The following ARSB variants were observed in gnomAD, a reference collection of about 807,000 sequenced individuals.
ARSB encodes N-acetylgalactosamine-4-sulfatase.
ARSB carries 41 observed loss-of-function variants against 50.9 expected under a neutral mutation model. That is an observed-to-expected ratio of 0.81 (90% confidence interval 0.63 to 1.04). The LOEUF (loss-of-function observed/expected upper bound fraction) is 1.04. Among genes scored for constraint, ARSB ranks in the 50% least tolerant of loss-of-function variants. ARSB has a pLI of 0.00. For synonymous variants in ARSB, 269 were observed against 284.8 expected, an observed-to-expected ratio of 0.94 and a Z score of 0.56; for missense variants, 672 against 693.3, an observed-to-expected ratio of 0.97 and a Z score of 0.35.
intron 5 of ARSB, among the ~76,000 whole-genome samples, chr5:78,847,301 A>AT (rs1745487699): frequency 6.6e-6 from 1 of 151,730 alleles, no homozygotes; most frequent in African/African-American, 2.4e-5. Flanking sequence ...TAATTTTTAA[A>AT]TTTTTTGCAG....
intron 4 of ARSB, among the ~76,000 whole-genome samples, chr5:78,946,663 A>G (rs560679912): frequency 6.6e-6 from 1 of 152,192 alleles, no homozygotes; most frequent in Non-Finnish European, 1.5e-5. Context: ...TTTCATGTTC[A>G]TGATTGGAAC....
chr5:78,950,942 G>A (rs1016232627), intron 4 of ARSB, among the ~76,000 whole-genome samples: 6 of 152,298 alleles, frequency 3.9e-5, no homozygotes, highest in Non-Finnish European at 5.9e-5. Flanking sequence ...GAACACAAGC[G>A]TAGAAATGCA....
At chr5:78,973,062 A>G (rs1398292654) in intron 1 of ARSB, among the ~76,000 whole-genome samples, 7 of 152,248 alleles carry the variant, frequency 4.6e-5, no homozygotes, top group Non-Finnish European at 1.5e-5. Flanking sequence ...CAAATGCCGA[A>G]CTGGTTCCAA....
rs528847475 is a variant in ARSB, at chr5:78,780,367, A to G, written c.*30T>C. Reference sequence around the variant, plus strand: ...GAAAAGGCCTGAGGTCCAACTTCCAATTGAAAGGTTTTCTAGCCTCCCTGA... The same window carrying G: ...GAAAAGGCCTGAGGTCCAACTTCCAGTTGAAAGGTTTTCTAGCCTCCCTGA... On this transcript the variant is annotated 3_prime_UTR_variant, in exon 8 of 8. Transcript: ENST00000264914. 1.2e-6 allele frequency: 2 copies of G among 1,613,122 alleles called. No homozygotes were observed. Among genetic ancestry groups the G allele is most frequent in the South Asian group, 1.1e-5 (1 of 91,028 alleles).
At chr5:78,876,428 A>T (rs1409995209) in intron 5 of ARSB, among the ~76,000 whole-genome samples, 1 of 152,250 alleles carries the variant, frequency 6.6e-6, no homozygotes. Flanking sequence ...CCCAAAGAAA[A>T]ATGGACAGAA....
intron 4 of ARSB, among the ~76,000 whole-genome samples, chr5:78,926,533 T>C (rs2112371021): frequency 6.6e-6 from 1 of 152,292 alleles, no homozygotes; most frequent in Non-Finnish European, 1.5e-5. Context: ...GCAATACCCT[T>C]ATTTCAAAGA....
chr5:78,795,727 A>T (rs933152218), intron 6 of ARSB, among the ~76,000 whole-genome samples: 1 of 152,214 alleles, frequency 6.6e-6, no homozygotes, highest in Non-Finnish European at 1.5e-5. Context: ...AATATTGCAG[A>T]TGTTATTTAT....
At position 78,920,316 on chromosome 5, in the gene ARSB, G is replaced by C. The variant is rs371383035; in HGVS notation, c.899-34489C>G. ...CCCAGCACTTTGGGAGGCCAAGGTGGGAGGATCGCTTGAACCCAGGAGTTT... is the reference window on the plus strand; with the variant it reads ...CCCAGCACTTTGGGAGGCCAAGGTGCGAGGATCGCTTGAACCCAGGAGTTT... On this transcript the variant is annotated intron_variant, in intron 4 of 7. Transcript: ENST00000264914. Among the ~76,000 whole-genome samples, 106 of 152,246 alleles carry C rather than the reference G, an allele frequency of 7.0e-4. 2 individuals carry two copies. Among genetic ancestry groups the C allele is most frequent in the African/African-American group, 2.5e-3 (103 of 41,554 alleles).
chr5:78,962,761 C>T (rs940696358), intron 3 of ARSB, among the ~76,000 whole-genome samples: 1 of 152,038 alleles, frequency 6.6e-6, no homozygotes, highest in Non-Finnish European at 1.5e-5. Context: ...AGTTGTATAA[C>T]ATTTGATAGT....
At chr5:78,862,296 C>T (rs192062501) in intron 5 of ARSB, among the ~76,000 whole-genome samples, 47 of 152,192 alleles carry the variant, frequency 3.1e-4, no homozygotes, top group South Asian at 8.3e-4. Flanking sequence ...AAAAAAAGCC[C>T]GCGTTGCCAA....
rs61216659 is a variant in ARSB, at chr5:78,968,861, C to G, written c.499+145G>C. On this transcript the variant is annotated intron_variant, in intron 2 of 7. Coordinates refer to ENST00000264914, the MANE Select transcript of ARSB (RefSeq NM_000046.5). ...CACAGAGCCCTGTTTACAGAGGTAA[C>G]ATTAGAAAGCAGCCCCATTACAGTG... is the stretch of plus-strand genomic sequence containing the variant. 0.22 allele frequency: 198,807 copies of G among 922,658 alleles called. 25,009 individuals carry two copies. The highest frequency in any genetic ancestry group is 0.48 in the African/African-American group (29,183 of 61,380). The allele number at this position is 922,658 out of a possible 1,614,324, so 57.2% of individuals were successfully genotyped here.
chr5:78,866,208 T>C (rs1023778935), intron 5 of ARSB, among the ~76,000 whole-genome samples: 1 of 152,184 alleles, frequency 6.6e-6, no homozygotes, highest in Non-Finnish European at 1.5e-5. Context: ...ACAGTTTCAC[T>C]TGGCTGGGGA....
intron 5 of ARSB, chr5:78,882,749 AG>A (rs1338487020): frequency 6.8e-6 from 1 of 146,172 alleles, no homozygotes; most frequent in Non-Finnish European, 1.5e-5. Context: ...TGTTTATAGT[AG>A]TTGTTTCTAG....
intron 4 of ARSB, among the ~76,000 whole-genome samples, chr5:78,913,121 C>CTTTT (rs11440743): frequency 9.9e-4 from 139 of 139,800 alleles, no homozygotes; most frequent in Non-Finnish European, 1.4e-3. Flanking sequence ...TTTTAATTCG[C>CTTTT]TTTTTTTTTT....
intron 4 of ARSB, among the ~76,000 whole-genome samples, chr5:78,924,733 C>T (rs1383068087): frequency 1.3e-5 from 2 of 152,156 alleles, no homozygotes; most frequent in Non-Finnish European, 2.9e-5. Context: ...CTACGATGAG[C>T]AATATATGCC....
chr5:78,980,725 A>AGTGTGTGTGTGTGTGTGT (rs1315709564), intron 1 of ARSB, among the ~76,000 whole-genome samples: 1,536 of 91,926 alleles, frequency 0.017, 38 homozygotes, highest in African/African-American at 0.044. Flanking sequence ...TGTCTAAGGA[A>AGTGTGTGTGTGTGTGTGT]GTGTGTGTAT....
At chr5:78,939,309 C>A (rs1337822203) in intron 4 of ARSB, among the ~76,000 whole-genome samples, 1 of 150,446 alleles carries the variant, frequency 6.6e-6, no homozygotes. Context: ...ACTTTAAGTT[C>A]TAGGGTACAT....
intron 4 of ARSB, among the ~76,000 whole-genome samples, chr5:78,900,807 A>G (rs1748768271): frequency 6.6e-6 from 1 of 152,104 alleles, no homozygotes; most frequent in African/African-American, 2.4e-5. Flanking sequence ...TGGGAGGCCT[A>G]AGGAGGCAGA....
At position 78,964,466 on chromosome 5, in the gene ARSB, T is replaced by C; in HGVS notation, c.640A>G (p.Ile214Val). The C allele has an allele frequency of 1.2e-6, 2 of 1,614,116 alleles. No individual in the cohort carries two copies. Among genetic ancestry groups the C allele is most frequent in the South Asian group, 1.1e-5 (1 of 91,078 alleles). The change falls in exon 3 of 8, where the codon ATA becomes GTA. Residue 214 changes from isoleucine (I) to valine (V), a missense_variant. Physicochemically the swap from Ile to Val is conservative, Grantham distance 29. Coordinates refer to ENST00000264914, the MANE Select transcript of ARSB (RefSeq NM_000046.5). ...AGGGCTATAGCCCTTTTGGTGAATA[T>C]GTTTGTTGAATACATATTTTTATAT... Reference protein sequence around the residue: ...TGYKNMYSTNIFTKRAIALIT... With the variant: ...TGYKNMYSTNVFTKRAIALIT...
Sources: allele counts gnomAD v4.1 joint callset (sites outside exome capture counted in the v4.1 genomes callset), GRCh38; gene constraint gnomAD v4.1.1; transcripts MANE v1.5; gene names NCBI Gene and HGNC (gene_info 2026-07-23, HGNC 2026-07-21).